UMAD1: variants seen among roughly 807,000 people sequenced by gnomAD.
UMAD1 encodes the protein UBAP1-MVB12-associated (UMA)-domain containing protein 1.
UMAD1 carries 8 observed loss-of-function variants against 6.1 expected under a neutral mutation model. That is an observed-to-expected ratio of 1.30 (90% confidence interval 0.76 to 2.35). UMAD1 has a LOEUF of 2.35. Ranked by LOEUF, UMAD1 falls within the 30% of genes most tolerant of loss-of-function variation. UMAD1 has a pLI of 0.00. For missense variants in UMAD1, 130 were observed against 78.4 expected, an observed-to-expected ratio of 1.66 and a Z score of -2.49; for synonymous variants, 56 against 31.4, an observed-to-expected ratio of 1.78 and a Z score of -2.61.
At chr7:7,728,653 A>C (rs1342803135) in intron 2 of UMAD1, among the ~76,000 whole-genome samples, 1 of 151,998 alleles carries the variant, frequency 6.6e-6, no homozygotes, top group Non-Finnish European at 1.5e-5. Context: ...TAAGAAAAAA[A>C]AAAAAAACAC....
rs560655912 is a variant in UMAD1, at chr7:7,872,498, G to A, written c.157-4783G>A. 1.1e-4 allele frequency among the ~76,000 whole-genome samples: 17 copies of A among 152,210 alleles called. No homozygotes were observed. The South Asian group carries it at 2.9e-3, about 26-fold the overall frequency. On this transcript the variant is annotated intron_variant, in intron 3 of 3. Transcript: ENST00000682710. ...GCACTGCAAAACAAATACAATAATAGCATCAAAGATCACTGATCATGCCTC... is the reference window on the plus strand; with the variant it reads ...GCACTGCAAAACAAATACAATAATAACATCAAAGATCACTGATCATGCCTC...
intron 2 of UMAD1, among the ~76,000 whole-genome samples, chr7:7,699,132 G>A (rs1298674667): frequency 6.6e-6 from 1 of 151,934 alleles, no homozygotes; most frequent in African/African-American, 2.4e-5. Flanking sequence ...AGCATTATAG[G>A]TGTGAGCCAC....
intron 3 of UMAD1, among the ~76,000 whole-genome samples, chr7:7,820,303 A>T (rs1783218096): frequency 6.6e-6 from 1 of 152,140 alleles, no homozygotes; most frequent in Non-Finnish European, 1.5e-5. Context: ...TCTCATTAGA[A>T]GTGATTAAGA....
intron 2 of UMAD1, among the ~76,000 whole-genome samples, chr7:7,732,050 T>A (rs1781269941): frequency 6.6e-6 from 1 of 151,962 alleles, no homozygotes; most frequent in Non-Finnish European, 1.5e-5. Flanking sequence ...TATAGTCAAT[T>A]TTAGATAGAT....
chr7:7,679,753 C>A (rs1025543998), intron 2 of UMAD1, among the ~76,000 whole-genome samples: 12 of 146,252 alleles, frequency 8.2e-5, no homozygotes, highest in Non-Finnish European at 1.6e-4. Context: ...TATTAAGAGG[C>A]AATAACTCAC....
chr7:7,676,573 T>C (rs937620006), intron 2 of UMAD1, among the ~76,000 whole-genome samples: 8 of 152,202 alleles, frequency 5.3e-5, no homozygotes, highest in Admixed American at 3.9e-4. Context: ...TTCTCTACAA[T>C]TGAAAAGAGA....
At chr7:7,867,973 T>C (rs756499300) in intron 3 of UMAD1, among the ~76,000 whole-genome samples, 5 of 151,408 alleles carry the variant, frequency 3.3e-5, no homozygotes, top group African/African-American at 9.7e-5. Flanking sequence ...ATAGAGGAGA[T>C]CCTCACTCGG....
At position 7,778,226 on chromosome 7, in the gene UMAD1, TTGTGTGTG is replaced by T. The variant is rs61647575; in HGVS notation, c.83-23401_83-23394del. On this transcript the variant is annotated intron_variant, in intron 2 of 3. Coordinates refer to ENST00000682710, the MANE Select transcript of UMAD1 (RefSeq NM_001302348.2). ...CATCTTGGCTTCTCCAAAACTGGTTTTGTGTGTGTGTGTGTGTGTGTGTGTGTGTGTGT... is the reference window on the plus strand; with the variant it reads ...CATCTTGGCTTCTCCAAAACTGGTTTTGTGTGTGTGTGTGTGTGTGTGTGT... Among the ~76,000 whole-genome samples the T allele has an allele frequency of 5.3e-3, 667 of 126,424 alleles. 7 individuals are homozygous for T. The highest frequency in any genetic ancestry group is 0.019 in the Middle Eastern group (5 of 260). 82.9% of individuals were successfully genotyped at this position (126,424 alleles called of 152,430 possible). A position where few individuals can be genotyped will look rare whatever the true frequency, so the allele number is the denominator to read the frequency against.
rs548849078 is a variant in UMAD1, at chr7:7,773,831, G to C, written c.83-27839G>C. ...GTTGAAGGGAGGAGGTGAGTGAGGA[G>C]TTACAGCCCAAATGCTCTTACCATT... On this transcript the variant is annotated intron_variant, in intron 2 of 3. Coordinates refer to ENST00000682710, the MANE Select transcript of UMAD1 (RefSeq NM_001302348.2). Among the ~76,000 whole-genome samples, 82 of 152,280 alleles carry C rather than the reference G, an allele frequency of 5.4e-4. 1 individual carries two copies. The South Asian group carries it at 0.015, about 28-fold the overall frequency.
intron 2 of UMAD1, among the ~76,000 whole-genome samples, chr7:7,723,921 A>G (rs1781094799): frequency 6.6e-6 from 1 of 152,198 alleles, no homozygotes; most frequent in East Asian, 1.9e-4. Context: ...TACTTAATTT[A>G]TATGAGAAGA....
intron 2 of UMAD1, among the ~76,000 whole-genome samples, chr7:7,704,766 CAAAAAAAA>C: frequency 5.6e-5 from 1 of 17,854 alleles, no homozygotes; most frequent in African/African-American, 2.1e-4. Context: ...GACTCCATCT[CAAAAAAAA>C]AAAAAAAAAA....
At chr7:7,648,278 C>T (rs1195953421) in intron 1 of UMAD1, among the ~76,000 whole-genome samples, 1 of 152,200 alleles carries the variant, frequency 6.6e-6, no homozygotes, top group East Asian at 1.9e-4. Flanking sequence ...TGCTGTTTCT[C>T]TGCTTAAGTT....
At chr7:7,761,464 TG>T (rs1463534964) in intron 2 of UMAD1, among the ~76,000 whole-genome samples, 1 of 152,202 alleles carries the variant, frequency 6.6e-6, no homozygotes, top group African/African-American at 2.4e-5. Context: ...TGCCATCTGC[TG>T]GAAAATTATT....
At chr7:7,666,732 A>T (rs974055173) in intron 1 of UMAD1, among the ~76,000 whole-genome samples, 1 of 151,968 alleles carries the variant, frequency 6.6e-6, no homozygotes, top group African/African-American at 2.4e-5. Flanking sequence ...TATATCCTTT[A>T]TATACATTAT....
intron 2 of UMAD1, among the ~76,000 whole-genome samples, chr7:7,710,815 A>T (rs1312961924): frequency 2.6e-5 from 4 of 152,202 alleles, no homozygotes; most frequent in Admixed American, 2.6e-4. Flanking sequence ...GTGAATGGTT[A>T]AATCTATGGT....
Position 7,673,368 on chromosome 7 carries a change from A to AGCAGCAGCG in UMAD1, c.-1_1insGCAGCGGCA, listed in dbSNP as rs776102769. The AGCAGCAGCG allele has an allele frequency of 2.7e-5, 30 of 1,125,956 alleles. No homozygotes were observed. The African/African-American group carries it at 4.0e-4, about 15-fold the overall frequency. 69.7% of individuals were successfully genotyped at this position (1,125,956 alleles called of 1,614,324 possible). ...CAGCAGCAGCAGCAGCAGCAGCAGC[A>AGCAGCAGCG]GCAATGTTTCACTTCTTCAGAAAGC... On this transcript the variant is annotated 5_prime_UTR_variant, in exon 2 of 4. Transcript: ENST00000682710.
At chr7:7,785,077 A>G (rs10807959) in intron 2 of UMAD1, among the ~76,000 whole-genome samples, 31,178 of 152,078 alleles carry the variant, frequency 0.21, 3,558 homozygotes, top group Admixed American at 0.32. Context: ...AAGTGTCTAA[A>G]GAATCTGGTA....
intron 2 of UMAD1, among the ~76,000 whole-genome samples, chr7:7,800,328 A>C (rs80168550): frequency 0.043 from 6,529 of 152,404 alleles, 222 homozygotes; most frequent in Non-Finnish European, 0.07. Context: ...TGGAATATGC[A>C]TTGTAAACAT....
intron 2 of UMAD1, among the ~76,000 whole-genome samples, chr7:7,713,631 GT>G (rs28912687): frequency 0.063 from 9,522 of 151,692 alleles, 395 homozygotes; most frequent in East Asian, 0.094. Context: ...TTTCTTTGGA[GT>G]TTATTTTGTT....
Sources: gnomAD v4.1 joint callset for allele counts (sites outside exome capture counted in the v4.1 genomes callset) on GRCh38, gnomAD v4.1.1 for gene constraint, MANE v1.5 for transcripts, NCBI Gene and HGNC (gene_info 2026-07-23, HGNC 2026-07-21) for gene names.